ULK4: variants seen among roughly 807,000 people sequenced by gnomAD.
ULK4 encodes inactive serine/threonine-protein kinase ULK4.
Under a neutral mutation model 160.6 loss-of-function variants are expected in ULK4, and 133 were observed. That is an observed-to-expected ratio of 0.83 (90% CI 0.72 to 0.96). The LOEUF is 0.96. Among genes scored for constraint, ULK4 ranks in the 40% least tolerant of loss-of-function variants. ULK4 has a pLI of 0.00. For synonymous variants in ULK4, 534 were observed against 539.8 expected, an observed-to-expected ratio of 0.99 and a Z score of 0.15; for missense variants, 1,580 against 1,499.5, an observed-to-expected ratio of 1.05 and a Z score of -0.89.
chr3:41,615,456 G>A (rs1485047778), intron 31 of ULK4, among the ~76,000 whole-genome samples: 1 of 152,182 alleles, frequency 6.6e-6, no homozygotes, highest in Non-Finnish European at 1.5e-5. Flanking sequence ...TGGAAAGAAG[G>A]CAGTCATTAG....
At chr3:41,434,966 T>A (rs2083000708) in intron 34 of ULK4, among the ~76,000 whole-genome samples, 2 of 152,212 alleles carry the variant, frequency 1.3e-5, no homozygotes, top group African/African-American at 4.8e-5. Context: ...ACGAATTTTG[T>A]AATTATCTTG....
chr3:41,444,338 T>C (rs1001015954), intron 34 of ULK4, among the ~76,000 whole-genome samples: 4 of 151,324 alleles, frequency 2.6e-5, no homozygotes, highest in Non-Finnish European at 5.9e-5. Flanking sequence ...TGGGGGTATC[T>C]CTTTCTAAAT....
chr3:41,736,664 T>A (rs1182278329), intron 22 of ULK4, among the ~76,000 whole-genome samples: 1 of 151,324 alleles, frequency 6.6e-6, no homozygotes, highest in East Asian at 1.9e-4. Flanking sequence ...CTGATGGTAG[T>A]TTCTTTTGCT....
chr3:41,395,643 G>A (rs1228095193), intron 35 of ULK4, among the ~76,000 whole-genome samples: 1 of 152,112 alleles, frequency 6.6e-6, no homozygotes, highest in Non-Finnish European at 1.5e-5. Flanking sequence ...GGAAGTTATT[G>A]TTTAATAGGC....
intron 2 of ULK4, among the ~76,000 whole-genome samples, chr3:41,946,760 G>A (rs913006445): frequency 2.0e-5 from 3 of 152,078 alleles, no homozygotes; most frequent in African/African-American, 4.8e-5. Flanking sequence ...TCCATGTTGC[G>A]GTCAAAGGGC....
At chr3:41,303,847 C>A (rs775749592) in intron 35 of ULK4, among the ~76,000 whole-genome samples, 5 of 151,768 alleles carry the variant, frequency 3.3e-5, no homozygotes, top group Non-Finnish European at 7.4e-5. Context: ...TGTATGGGCA[C>A]AAGAGGTCGG....
chr3:41,579,714 G>A (rs1039824735), intron 31 of ULK4, among the ~76,000 whole-genome samples: 6 of 151,856 alleles, frequency 4.0e-5, no homozygotes, highest in East Asian at 1.9e-4. Context: ...GGATGGTCTC[G>A]ATCTCCTGAC....
At chr3:41,788,087 CAT>C (rs1314748334) in intron 21 of ULK4, among the ~76,000 whole-genome samples, 1 of 152,080 alleles carries the variant, frequency 6.6e-6, no homozygotes, top group African/African-American at 2.4e-5. Flanking sequence ...AAACTAGACA[CAT>C]AGATTTGTTA....
intron 35 of ULK4, among the ~76,000 whole-genome samples, chr3:41,251,977 C>T (rs149499613): frequency 6.6e-6 from 1 of 152,262 alleles, no homozygotes; most frequent in East Asian, 1.9e-4. Context: ...AATAGCATGC[C>T]CCAGAATTGA....
chr3:41,700,819 GAATA>G (rs2036648345), intron 27 of ULK4, among the ~76,000 whole-genome samples: 1 of 152,060 alleles, frequency 6.6e-6, no homozygotes, highest in African/African-American at 2.4e-5. Context: ...TAACAAACAT[GAATA>G]AATAAGTCAC....
intron 31 of ULK4, among the ~76,000 whole-genome samples, chr3:41,614,327 T>G (rs2032850978): frequency 6.6e-6 from 1 of 152,188 alleles, no homozygotes; most frequent in African/African-American, 2.4e-5. Flanking sequence ...TTGGACAGCT[T>G]TGGCTCTTGC....
chr3:41,925,063 C>A (rs960647621), intron 5 of ULK4, among the ~76,000 whole-genome samples: 1 of 152,202 alleles, frequency 6.6e-6, no homozygotes, highest in Admixed American at 6.5e-5. Flanking sequence ...CCCGGCCCCA[C>A]CTCACATACC....
At chr3:41,850,957 C>G (rs1273829196) in intron 17 of ULK4, among the ~76,000 whole-genome samples, 2 of 152,148 alleles carry the variant, frequency 1.3e-5, no homozygotes, top group Non-Finnish European at 2.9e-5. Flanking sequence ...ATGTTTAAGT[C>G]TTTAATTCAT....
intron 32 of ULK4, among the ~76,000 whole-genome samples, chr3:41,515,479 G>A (rs2085719709): frequency 6.6e-6 from 1 of 152,124 alleles, no homozygotes; most frequent in Non-Finnish European, 1.5e-5. Flanking sequence ...TTCTCATGCT[G>A]CTATAAAAAA....
intron 34 of ULK4, among the ~76,000 whole-genome samples, chr3:41,418,250 G>A (rs1309800361): frequency 2.0e-5 from 3 of 151,222 alleles, no homozygotes; most frequent in Non-Finnish European, 4.4e-5. Flanking sequence ...GTTGATTGGA[G>A]GCCTTACTGA....
At chr3:41,640,016 C>T (rs2034118294) in intron 30 of ULK4, among the ~76,000 whole-genome samples, 1 of 152,112 alleles carries the variant, frequency 6.6e-6, no homozygotes, top group African/African-American at 2.4e-5. Context: ...ACCAAGCATC[C>T]ACTGAAGGAT....
chr3:41,931,657 G>C (rs1699608415), intron 5 of ULK4, 187 bp downstream of exon 5: 1 of 655,666 alleles, frequency 1.5e-6, no homozygotes, highest in South Asian at 2.5e-5. Flanking sequence ...TTACAGAGTA[G>C]ATCCACATTG....
intron 4 of ULK4, 133 bp from the exon 5 acceptor site, chr3:41,932,139 T>A: frequency 1.4e-6 from 1 of 738,478 alleles, no homozygotes; most frequent in African/African-American, 1.8e-5. Context: ...AATAAATGCT[T>A]ATAATTTTTT....
chr3:41,305,838 T>C (rs1433917946), intron 35 of ULK4, among the ~76,000 whole-genome samples: 84 of 132,378 alleles, frequency 6.3e-4, no homozygotes, highest in South Asian at 5.3e-4. Flanking sequence ...CGGCCGCCCA[T>C]AGTCTGAGAT....
Sources: allele counts gnomAD v4.1 joint callset (sites outside exome capture counted in the v4.1 genomes callset), GRCh38; gene constraint gnomAD v4.1.1; transcripts MANE v1.5; gene names NCBI Gene and HGNC (gene_info 2026-07-23, HGNC 2026-07-21).